The following SMYD1 variants were observed in gnomAD, a reference collection of about 807,000 sequenced individuals.
SMYD1 encodes SET and MYND domain containing 1, also known as histone-lysine N-methyltransferase SMYD1.
SMYD1 carries 49 observed loss-of-function variants against 54.0 expected under a neutral mutation model. That is an observed-to-expected ratio of 0.91 (90% CI 0.72 to 1.15). SMYD1 has a LOEUF of 1.15. Among genes scored for constraint, SMYD1 ranks in the 50% most tolerant of loss-of-function variants. SMYD1 has a pLI of 0.00. For synonymous variants in SMYD1, 269 were observed against 234.2 expected (o/e 1.15, Z -1.36); for missense variants, 653 against 639.6 (o/e 1.02, Z -0.23).
At chr2:88,107,415 T>A (rs992466315) in intron 8 of SMYD1, among the ~76,000 whole-genome samples, 3 of 152,136 alleles carry the variant, frequency 2.0e-5, no homozygotes, top group Non-Finnish European at 4.4e-5. Flanking sequence ...CAGGTGAAAA[T>A]ACAATGCTGT....
chr2:88,110,267 T>A, intron 9 of SMYD1, 87 bp from the exon 10 acceptor site: 1 of 1,440,926 alleles, frequency 6.9e-7, no homozygotes, highest in East Asian at 2.5e-5. Context: ...TCTCCGTGGC[T>A]GGAAATAATT....
Position 88,106,561 on chromosome 2 carries a change from C to G in SMYD1, c.1145+73C>G, listed in dbSNP as rs1349307667. Reference sequence around the variant, plus strand: ...TTCCAGGGATGGCAAATAGATGGCACATTTACTGGTGCCTCTCCCTCCTAT... The same window carrying G: ...TTCCAGGGATGGCAAATAGATGGCAGATTTACTGGTGCCTCTCCCTCCTAT... On this transcript the variant is annotated intron_variant, in intron 8 of 9. Transcript: ENST00000419482. 7 of 1,516,920 alleles carry G rather than the reference C, an allele frequency of 4.6e-6. No homozygotes were observed. In the African/African-American group the frequency reaches 6.9e-5, roughly 15 times the overall value. The allele number at this position is 1,516,920 out of a possible 1,614,324, so 94.0% of individuals were successfully genotyped here.
intron 2 of SMYD1, among the ~76,000 whole-genome samples, chr2:88,085,015 G>A (rs1346814529): frequency 6.6e-6 from 1 of 152,124 alleles, no homozygotes; most frequent in Non-Finnish European, 1.5e-5. Flanking sequence ...CTCCCAAAGT[G>A]CTGGGATTAC....
At chr2:88,092,150 T>TC (rs917044785) in intron 4 of SMYD1, among the ~76,000 whole-genome samples, 1 of 151,792 alleles carries the variant, frequency 6.6e-6, no homozygotes, top group African/African-American at 2.4e-5. Context: ...AACCCCTCAT[T>TC]CCCCCAACCT....
chr2:88,074,571 T>G (rs1490631261), intron 1 of SMYD1, among the ~76,000 whole-genome samples: 1 of 152,208 alleles, frequency 6.6e-6, no homozygotes, highest in Non-Finnish European at 1.5e-5. Context: ...TATTATTCAG[T>G]CTACCCCAAC....
At chr2:88,106,705 T>A (rs1003747194) in intron 8 of SMYD1, among the ~76,000 whole-genome samples, 44 of 152,158 alleles carry the variant, frequency 2.9e-4, no homozygotes, top group African/African-American at 9.7e-4. Context: ...CTATTTGTCA[T>A]CCCTGGTCTT....
chr2:88,072,049 CCTT>C (rs1185597850), intron 1 of SMYD1, among the ~76,000 whole-genome samples: 5 of 151,078 alleles, frequency 3.3e-5, no homozygotes, highest in Non-Finnish European at 7.4e-5. Flanking sequence ...TGTATATCCT[CCTT>C]GTTTTCTGAT....
intron 8 of SMYD1, among the ~76,000 whole-genome samples, chr2:88,107,551 C>T (rs1442462162): frequency 6.6e-6 from 1 of 152,160 alleles, no homozygotes; most frequent in East Asian, 1.9e-4. Flanking sequence ...ATGGAGTCTA[C>T]AGAGGCAGGG....
rs753302089 is a variant in SMYD1, at chr2:88,096,637, G to A, written c.741G>A (p.Glu247=). 6.2e-7 allele frequency: 1 copy of A among 1,614,098 alleles called. No homozygotes were observed. The highest frequency in any genetic ancestry group is 8.5e-7 in the Non-Finnish European group (1 of 1,179,964). ...RALGKISEGE[E]LTVSYIDFLN... is the part of the protein sequence containing the mutation. ...TAGGCAAGATCTCAGAAGGAGAGGA[G>A]CTGACTGTGTCCTATATTGACTTCC... is the stretch of plus-strand genomic sequence containing the variant. Residue 247 remains glutamate (E), a synonymous_variant, in exon 6 of 10, where the codon GAG becomes GAA. Transcript: ENST00000419482.
chr2:88,084,538 G>C, intron 2 of SMYD1, 46 bp downstream of exon 2: 1 of 1,514,390 alleles, frequency 6.6e-7, no homozygotes, highest in Non-Finnish European at 9.0e-7. Flanking sequence ...CCAAATGTCA[G>C]GCTGGAATGG....
intron 9 of SMYD1, 26 bp from the exon 10 acceptor site, chr2:88,110,328 G>A (rs774946546): frequency 6.3e-7 from 1 of 1,599,636 alleles, no homozygotes; most frequent in Non-Finnish European, 8.5e-7. Context: ...TGCTATCACT[G>A]TTTACGGTGT....
At chr2:88,104,732 G>T (rs1479361309) in intron 7 of SMYD1, among the ~76,000 whole-genome samples, 1 of 152,214 alleles carries the variant, frequency 6.6e-6, no homozygotes, top group African/African-American at 2.4e-5. Context: ...ATTTCAAATG[G>T]AATTGTATGA....
At position 88,087,905 on chromosome 2, in the gene SMYD1, G is replaced by A. The variant is rs748384018; in HGVS notation, c.358G>A (p.Gly120Arg). The A allele has an allele frequency of 1.9e-6, 3 of 1,609,550 alleles. No homozygotes were observed. Among genetic ancestry groups the A allele is most frequent in the Non-Finnish European group, 2.5e-6 (3 of 1,177,734 alleles). Residue 120 changes from glycine (G) to arginine (R), a missense_variant, in exon 3 of 10, where the codon GGG becomes AGG. Transcript: ENST00000419482. ...IMWRVEREGT[G>R]LTEGCLVSVD... ...GTGGCGGGTGGAGAGAGAAGGCACCGGGCTCACGGAGGGCTGCCTGGTGTC... is the reference window on the plus strand; with the variant it reads ...GTGGCGGGTGGAGAGAGAAGGCACCAGGCTCACGGAGGGCTGCCTGGTGTC...
At chr2:88,103,449 T>G (rs1573120218) in intron 7 of SMYD1, among the ~76,000 whole-genome samples, 2 of 152,054 alleles carry the variant, frequency 1.3e-5, no homozygotes, top group South Asian at 4.2e-4. Flanking sequence ...GTATCGGAGA[T>G]GGGGGAATGC....
At position 88,098,578 on chromosome 2, in the gene SMYD1, T is replaced by C. The variant is rs149424352; in HGVS notation, c.888+1794T>C. ...ACTAACTGAGCAGAAAAAAATTGAGTATATCTTTTTAAAAGCAAATGCTTC... is the reference window on the plus strand; with the variant it reads ...ACTAACTGAGCAGAAAAAAATTGAGCATATCTTTTTAAAAGCAAATGCTTC... On this transcript the variant is annotated intron_variant, in intron 6 of 9. Coordinates refer to ENST00000419482, the MANE Select transcript of SMYD1 (RefSeq NM_198274.4). Among the ~76,000 whole-genome samples the C allele has an allele frequency of 3.1e-3, 470 of 152,124 alleles. 3 individuals carry two copies. Among genetic ancestry groups the C allele is most frequent in the Non-Finnish European group, 4.9e-3 (332 of 67,992 alleles).
intron 1 of SMYD1, among the ~76,000 whole-genome samples, chr2:88,070,789 G>A (rs1010346120): frequency 4.6e-5 from 7 of 151,662 alleles, no homozygotes; most frequent in African/African-American, 1.5e-4. Flanking sequence ...ACAAAAATAC[G>A]AAAATTAGCC....
intron 1 of SMYD1, among the ~76,000 whole-genome samples, chr2:88,072,016 A>C (rs2103975370): frequency 6.9e-6 from 1 of 144,234 alleles, no homozygotes; most frequent in East Asian, 2.0e-4. Flanking sequence ...AAAAAAAAAA[A>C]ACCCCAGCTA....
At position 88,067,912 on chromosome 2, in the gene SMYD1, C is replaced by A. The variant is rs1375281986; in HGVS notation, c.48C>A (p.Gly16=). ...ACGTGGAGGTCTTCACCGCTGAGGG[C>A]AAAGGAAGGGGTCTGAAGGCCACCA... is the stretch of plus-strand genomic sequence containing the variant. ...MENVEVFTAE[G]KGRGLKATKE... is the part of the protein sequence containing the mutation. The change falls in exon 1 of 10, where the codon GGC becomes GGA. Residue 16 remains glycine (G), a synonymous_variant. Coordinates refer to ENST00000419482, the MANE Select transcript of SMYD1 (RefSeq NM_198274.4). The A allele has an allele frequency of 6.2e-7, 1 of 1,613,870 alleles. No homozygotes were observed. The highest frequency in any genetic ancestry group is 8.5e-7 in the Non-Finnish European group (1 of 1,180,032).
chr2:88,105,545 T>C lies in SMYD1; in HGVS notation c.982-780T>C, dbSNP rs139256138. 4.6e-5 allele frequency among the ~76,000 whole-genome samples: 7 copies of C among 152,330 alleles called. 1 individual carries two copies. In the East Asian group the frequency reaches 1.3e-3, roughly 29 times the overall value. ...CTTTAAAGCATCTCTGGATTACTTATAACACCTAATACTATGTAAATGCTG... is the reference window on the plus strand; with the variant it reads ...CTTTAAAGCATCTCTGGATTACTTACAACACCTAATACTATGTAAATGCTG... On this transcript the variant is annotated intron_variant, in intron 7 of 9. Transcript: ENST00000419482.
Sources: gnomAD v4.1 joint callset for allele counts (sites outside exome capture counted in the v4.1 genomes callset) on GRCh38, gnomAD v4.1.1 for gene constraint, MANE v1.5 for transcripts, NCBI Gene and HGNC (gene_info 2026-07-23, HGNC 2026-07-21) for gene names.